The following ZNF320 variants were observed in gnomAD, a reference collection of about 807,000 sequenced individuals.
The protein encoded by ZNF320 is zinc finger protein 320, also known as zinc finger gene 320.
A neutral mutation model predicts 6.8 loss-of-function variants in ZNF320; 2 were observed. That is an observed-to-expected ratio of 0.29 (90% CI 0.12 to 0.93). ZNF320 has a LOEUF of 0.93. Among genes scored for constraint, ZNF320 ranks in the 40% least tolerant of loss-of-function variants. ZNF320 has a pLI of 0.55. For missense variants in ZNF320, 472 were observed against 611.0 expected (o/e 0.77, Z 2.40); for synonymous variants, 208 against 203.2 (o/e 1.02, Z -0.20).
At chr19:52,899,070 T>G (rs2064551876), upstream of ZNF320, among the ~76,000 whole-genome samples, 1 of 152,254 alleles carries the variant, frequency 6.6e-6, no homozygotes, top group South Asian at 2.1e-4. Flanking sequence ...TATGTCTTTT[T>G]GTGTAATAGA....
exon 6 of ZNF320, chr19:52,862,813 C>T (rs909416825): frequency 1.1e-5 from 4 of 348,940 alleles, no homozygotes; most frequent in East Asian, 7.1e-5. Flanking sequence ...CAACTGAAAA[C>T]GTTGTCACAT....
At chr19:52,893,232 T>C (rs8100166) in intron 2 of ZNF320, among the ~76,000 whole-genome samples, 66,500 of 151,638 alleles carry the variant, frequency 0.44, 15,081 homozygotes, top group South Asian at 0.56. Context: ...ACACCTTGTG[T>C]CACCATATAG....
intron 3 of ZNF320, 189 bp from the exon 4 acceptor site, chr19:52,890,517 A>G (rs1315017660): frequency 4.1e-6 from 2 of 487,974 alleles, no homozygotes; most frequent in Non-Finnish European, 7.2e-6. Context: ...CACACGCTGC[A>G]GCAGTGGGGA....
rs541363439 is a variant in ZNF320, at chr19:52,879,350, A to C, written c.*1246T>G. 62 of 156,854 alleles carry C rather than the reference A, an allele frequency of 4.0e-4. 3 individuals are homozygous for C. In the South Asian group the frequency reaches 0.011, roughly 27 times the overall value. 9.7% of individuals were successfully genotyped at this position (156,854 alleles called of 1,614,324 possible). On this transcript the variant is annotated 3_prime_UTR_variant, in exon 6 of 6. Coordinates refer to ENST00000682928, the MANE Select transcript of ZNF320 (RefSeq NM_001351774.2). ...ACCACTTGAACATAATGAAAGATGA[A>C]AACCACATCATCTCAATACATGGAG... is the stretch of plus-strand genomic sequence containing the variant.
exon 6 of ZNF320, chr19:52,862,682 C>A: frequency 1.7e-6 from 1 of 592,792 alleles, no homozygotes. Context: ...AGGTTTCTCT[C>A]CAGTGTGAAT....
chr19:52,892,966 A>G (rs1389554325), intron 2 of ZNF320, among the ~76,000 whole-genome samples: 2 of 148,018 alleles, frequency 1.4e-5, no homozygotes, highest in African/African-American at 2.5e-5. Context: ...GCTTTTCTCT[A>G]CATTTCTCCA....
chr19:52,861,613 G>A (rs2063487376), exon 6 of ZNF320, among the ~76,000 whole-genome samples: 2 of 152,126 alleles, frequency 1.3e-5, no homozygotes, highest in African/African-American at 4.8e-5. Flanking sequence ...ATGAGCCACC[G>A]TGCCTGGCCC....
At chr19:52,864,139 A>G (rs1966574) in exon 6 of ZNF320, 133,335 of 273,362 alleles carry the variant, frequency 0.49, 33,684 homozygotes, top group African/African-American at 0.61. Context: ...CTATAGCCAC[A>G]TCTCTGAAAG....
intron 5 of ZNF320, among the ~76,000 whole-genome samples, chr19:52,864,961 CGAG>C (rs2063517481): frequency 6.6e-6 from 1 of 151,560 alleles, no homozygotes; most frequent in South Asian, 2.1e-4. Flanking sequence ...TGCAGTGAGC[CGAG>C]ATCGGGCCAC....
exon 6 of ZNF320, among the ~76,000 whole-genome samples, chr19:52,863,507 G>A (rs1392725786): frequency 6.6e-6 from 1 of 151,492 alleles, no homozygotes; most frequent in Non-Finnish European, 1.5e-5. Flanking sequence ...TGAGGCAGGA[G>A]AATTGCTTGA....
At chr19:52,866,415 G>A (rs1359040950) in intron 5 of ZNF320, among the ~76,000 whole-genome samples, 1 of 151,704 alleles carries the variant, frequency 6.6e-6, no homozygotes, top group Non-Finnish European at 1.5e-5. Context: ...CACACTCAGA[G>A]GCAGCCAGGG....
At chr19:52,868,849 G>C (rs1004017290) in intron 5 of ZNF320, among the ~76,000 whole-genome samples, 8 of 152,284 alleles carry the variant, frequency 5.3e-5, no homozygotes, top group African/African-American at 1.7e-4. Context: ...GCTGAGTCAT[G>C]ATGCCCTGCA....
At chr19:52,873,826 G>A (rs2063721459), downstream of ZNF320, among the ~76,000 whole-genome samples, 1 of 152,182 alleles carries the variant, frequency 6.6e-6, no homozygotes, top group South Asian at 2.1e-4. Flanking sequence ...TAGGTTATAG[G>A]AGATGGAATT....
At chr19:52,901,506 C>G (rs554169791), upstream of ZNF320, among the ~76,000 whole-genome samples, 7 of 152,274 alleles carry the variant, frequency 4.6e-5, no homozygotes, top group South Asian at 1.5e-3. Context: ...AGCTCCTAGT[C>G]TACTGATGTT....
rs3886734 is a variant in ZNF320 at position 52,862,296 on chromosome 19, T to A, written c.*1733A>T. On this transcript the variant is annotated 3_prime_UTR_variant, in exon 6 of 6. Transcript: ENST00000673631. ...TTTCTCTCCAGGGTGAATTCTAGTA[T>A]GTCCTGCAAGGTGTGAATCACACCC... 7.6e-3 allele frequency: 4,595 copies of A among 601,732 alleles called. 154 individuals carry two copies. The African/African-American group carries it at 0.085, about 11-fold the overall frequency. 37.3% of individuals were successfully genotyped at this position (601,732 alleles called of 1,614,324 possible). A position where few individuals can be genotyped will look rare whatever the true frequency, so the allele number is the denominator to read the frequency against.
In ZNF320 at chr19:52,889,140, C is replaced by A. The variant is rs183295283; in HGVS notation, c.16-887G>T. On this transcript the variant is annotated intron_variant, in intron 4 of 5. Coordinates refer to ENST00000682928, the MANE Select transcript of ZNF320 (RefSeq NM_001351774.2). ...CGGAGTTTGCAGTGAGCCGAGAAATCGCCATTGCACTCCAGCCTGGTGACA... is the reference window on the plus strand; with the variant it reads ...CGGAGTTTGCAGTGAGCCGAGAAATAGCCATTGCACTCCAGCCTGGTGACA... Among the ~76,000 whole-genome samples, 350 of 151,624 alleles carry A rather than the reference C, an allele frequency of 2.3e-3. 1 individual carries two copies. The highest frequency in any genetic ancestry group is 7.2e-3 in the African/African-American group (298 of 41,316).
intron 5 of ZNF320, 86 bp downstream of exon 5, chr19:52,888,041 C>G (rs2064149666): frequency 5.7e-6 from 9 of 1,588,958 alleles, no homozygotes; most frequent in Non-Finnish European, 6.8e-6. Flanking sequence ...TTTAGTCAAG[C>G]AAGGATGCAA....
At chr19:52,902,656 A>T (rs182899984), upstream of ZNF320, among the ~76,000 whole-genome samples, 21 of 152,342 alleles carry the variant, frequency 1.4e-4, no homozygotes, top group East Asian at 3.9e-3. Context: ...TGCTTCTTGT[A>T]TGATTTTTAT....
upstream of ZNF320, among the ~76,000 whole-genome samples, chr19:52,902,440 T>C (rs1039454551): frequency 3.3e-5 from 5 of 152,250 alleles, no homozygotes; most frequent in Admixed American, 2.0e-4. Context: ...TGCACAAGCA[T>C]AACAATTGCT....
Sources: allele counts gnomAD v4.1 joint callset (sites outside exome capture counted in the v4.1 genomes callset), GRCh38; gene constraint gnomAD v4.1.1; transcripts MANE v1.5; gene names NCBI Gene and HGNC (gene_info 2026-07-23, HGNC 2026-07-21).